Variants in STRN4 observed in about 807,000 individuals in gnomAD.
STRN4 encodes the protein striatin 4.
STRN4 carries 27 observed loss-of-function variants against 77.9 expected under a neutral mutation model. The observed-to-expected ratio is 0.35, with a 90% CI of 0.26 to 0.48. The LOEUF is 0.48. Among genes scored for constraint, STRN4 ranks in the 20% least tolerant of loss-of-function variants. STRN4 has a pLI of 0.99. For missense variants in STRN4, 798 were observed against 1,049.7 expected (o/e 0.76, Z 3.31); for synonymous variants, 466 against 443.1 (o/e 1.05, Z -0.65).
intron 1 of STRN4, chr19:46,740,292 A>C (rs961118975): frequency 2.6e-5 from 4 of 152,184 alleles, no homozygotes; most frequent in Admixed American, 6.5e-5. Context: ...TCGTCTCAAA[A>C]AAAAAAAGAA....
rs185324970 is a variant in STRN4, at chr19:46,727,544, C to T, written c.1156G>A (p.Val386Ile). The change falls in exon 9 of 18, where the codon GTC (valine) becomes ATC (isoleucine). Residue 386 changes from valine to isoleucine, a missense_variant and splice_region_variant. Physicochemically the swap from Val to Ile is conservative, Grantham distance 29. This residue lies in a region of STRN4 where 511 missense variants were observed against 575.9 expected (regional missense o/e 0.89). Transcript: ENST00000263280. Reference sequence around the variant, plus strand: ...CCCCCGATAGTGTCCATGATGAAGACGTCTGAGGAGAAGCCAAAGGAACCT... The same window carrying T: ...CCCCCGATAGTGTCCATGATGAAGATGTCTGAGGAGAAGCCAAAGGAACCT... ...GTPQPRPHED[V>I]FIMDTIGGGE... is the part of the protein sequence containing the mutation. The T allele has an allele frequency of 2.7e-5, 44 of 1,613,630 alleles. No homozygotes were observed. The East Asian group carries it at 3.1e-4, about 11-fold the overall frequency.
Position 46,724,882 on chromosome 19 carries a change from A to G in STRN4, c.1519T>C (p.Tyr507His). 6.2e-7 allele frequency: 1 copy of G among 1,614,078 alleles called. No homozygotes were observed. Among genetic ancestry groups the G allele is most frequent in the Non-Finnish European group, 8.5e-7 (1 of 1,180,048 alleles). The change falls in exon 12 of 18, where the codon TAC becomes CAC. Residue 507 changes from tyrosine to histidine, a missense_variant. By Grantham distance (83) the Tyr-to-His change is moderately conservative (BLOSUM62 2). Coordinates refer to ENST00000263280, the MANE Select transcript of STRN4 (RefSeq NM_013403.3). The stretch of plus-strand genomic sequence containing the variant: ...ATGCAGGCATCTGCCCCGCCACTGT[A>G]GCAGTATTCACTGTTGCTGCCCATA... ...VAMGSNSEYC[Y>H]SGGADACIHS...
Position 46,746,275 on chromosome 19 carries a change from G to A in STRN4, c.156C>T (p.Gly52=), listed in dbSNP as rs1187626427. Residue 52 remains glycine (G), a synonymous_variant, in exon 1 of 18, where the codon GGC becomes GGT. Coordinates refer to ENST00000263280, the MANE Select transcript of STRN4 (RefSeq NM_013403.3). ...GPAGKGGGGG[G]SPGPTAGPEP... The stretch of plus-strand genomic sequence containing the variant: ...CCGGGCCCGCCGTGGGCCCGGGGCT[G>A]CCTCCGCCGCCGCCTCCCTTACCTG... The A allele has an allele frequency of 3.4e-6, 5 of 1,456,588 alleles. No homozygotes were observed. Among genetic ancestry groups the A allele is most frequent in the Non-Finnish European group, 4.5e-6 (5 of 1,107,892 alleles). The allele number at this position is 1,456,588 out of a possible 1,614,324, so 90.2% of individuals were successfully genotyped here. A position where few individuals can be genotyped will look rare whatever the true frequency, so the allele number is the denominator to read the frequency against.
intron 1 of STRN4, chr19:46,745,906 C>T: frequency 2.5e-6 from 1 of 400,288 alleles, no homozygotes; most frequent in Non-Finnish European, 4.3e-6. Flanking sequence ...CCGGTGATCC[C>T]TCCCACCCCC....
In STRN4 at chr19:46,725,283, A is replaced by G. The variant is rs1307969288; in HGVS notation, c.1472+49T>C. 3 of 1,613,230 alleles carry G rather than the reference A, an allele frequency of 1.9e-6. No homozygotes were observed. In the Admixed American group the frequency reaches 5.0e-5, roughly 27 times the overall value. On this transcript the variant is annotated intron_variant, in intron 11 of 17. Transcript: ENST00000263280. ...GATGGCAGTGAGCAGGTCAGGAGTC[A>G]GGCTGCATTTAGGACGAGTTTCTAG...
At position 46,728,616 on chromosome 19, in the gene STRN4, A is replaced by G. The variant is rs1599871745; in HGVS notation, c.1039+2T>C. The stretch of plus-strand genomic sequence containing the variant: ...GGGGCTGGCCAGAAAACGTCAGCTC[A>G]CCCAGCTCATGGGGGCTCCCATCCA... On this transcript the variant is annotated splice_donor_variant, in intron 7 of 17. Coordinates refer to ENST00000263280, the MANE Select transcript of STRN4 (RefSeq NM_013403.3). LOFTEE classifies it high-confidence loss of function. 1 of 1,611,350 alleles carries G rather than the reference A, an allele frequency of 6.2e-7. No homozygotes were observed. Among genetic ancestry groups the G allele is most frequent in the Admixed American group, 1.7e-5 (1 of 59,794 alleles).
chr19:46,738,269 TGC>T lies in STRN4; in HGVS notation c.387-34_387-33del. 6.3e-7 allele frequency: 1 copy of T among 1,593,352 alleles called. No homozygotes were observed. The highest frequency in any genetic ancestry group is 8.6e-7 in the Non-Finnish European group (1 of 1,161,248). ...GAGCAAATGATTAATGAATAAGAGATGCGGGAGAGTAGACAGGGTCAGTAGTT... is the reference window on the plus strand; with the variant it reads ...GAGCAAATGATTAATGAATAAGAGATGGGAGAGTAGACAGGGTCAGTAGTT... On this transcript the variant is annotated intron_variant, in intron 2 of 17. Transcript: ENST00000263280. This position sits in a 1 kb window ranked among gnomAD's most constrained non-coding sequence, Gnocchi z 4.5.
In STRN4 at chr19:46,723,087, G is replaced by A. The variant is rs780630109; in HGVS notation, c.1765+27C>T. On this transcript the variant is annotated intron_variant, in intron 13 of 17. Coordinates refer to ENST00000263280, the MANE Select transcript of STRN4 (RefSeq NM_013403.3). The surrounding 1 kb of genome is among the most constrained non-coding windows in gnomAD (Gnocchi z 5.5). ...AGCCTCCAGATCCCGCACAGCTCCA[G>A]GGTGAGGCACCGGGGCCCCCACTCA... The A allele has an allele frequency of 1.0e-4, 159 of 1,561,162 alleles. No individual in the cohort carries two copies. The highest frequency in any genetic ancestry group is 1.3e-4 in the Non-Finnish European group (153 of 1,153,236).
intron 1 of STRN4, 43 bp downstream of exon 1, chr19:46,746,106 G>A (rs777788662): frequency 1.6e-5 from 23 of 1,442,696 alleles, no homozygotes; most frequent in Admixed American, 1.1e-4. Flanking sequence ...GCCGGGCCGG[G>A]CCGGGCCGGG....
intron 11 of STRN4, 111 bp downstream of exon 11, chr19:46,725,221 C>T: frequency 7.0e-7 from 1 of 1,436,704 alleles, no homozygotes; most frequent in Non-Finnish European, 9.6e-7. Flanking sequence ...GGACTCAGAG[C>T]CCCCTGCTGT....
chr19:46,733,340 G>C lies in STRN4; in HGVS notation c.540-104C>G. The C allele has an allele frequency of 9.0e-7, 1 of 1,105,858 alleles. No individual in the cohort carries two copies. 68.5% of individuals were successfully genotyped at this position (1,105,858 alleles called of 1,614,324 possible). A position where few individuals can be genotyped will look rare whatever the true frequency, so the allele number is the denominator to read the frequency against. Reference sequence around the variant, plus strand: ...CAACCTCTTAAGGGGCCACTTAAGAGCATACACCAAAATCTGACATAAGCA... The same window carrying C: ...CAACCTCTTAAGGGGCCACTTAAGACCATACACCAAAATCTGACATAAGCA... On this transcript the variant is annotated intron_variant, in intron 4 of 17. Transcript: ENST00000263280. The surrounding 1 kb of genome is among the most constrained non-coding windows in gnomAD (Gnocchi z 4.3).
chr19:46,731,356 C>T lies in STRN4; in HGVS notation c.738-483G>A, dbSNP rs115655565. ...GCCAGCCTCGCGCAAGCAGGGGCGC[C>T]GGCGATCCCTGCTACCCAGGAGCCT... On this transcript the variant is annotated intron_variant, in intron 5 of 17. Coordinates refer to ENST00000263280, the MANE Select transcript of STRN4 (RefSeq NM_013403.3). 6.8e-3 allele frequency: 1,144 copies of T among 169,214 alleles called. 10 individuals carry two copies. The highest frequency in any genetic ancestry group is 0.026 in the African/African-American group (1,094 of 42,034). 10.5% of individuals were successfully genotyped at this position (169,214 alleles called of 1,614,324 possible).
At chr19:46,724,533 T>C (rs2054060903) in intron 12 of STRN4, among the ~76,000 whole-genome samples, 1 of 152,258 alleles carries the variant, frequency 6.6e-6, no homozygotes, top group African/African-American at 2.4e-5. Context: ...GCTCCCAGCC[T>C]GGGCTGCCTC....
intron 1 of STRN4, among the ~76,000 whole-genome samples, chr19:46,744,080 G>A (rs1300779404): frequency 6.6e-6 from 1 of 151,920 alleles, no homozygotes; most frequent in Non-Finnish European, 1.5e-5. Flanking sequence ...CCAGAATGCT[G>A]CAAGAATTAA....
At position 46,738,245 on chromosome 19, in the gene STRN4, A is replaced by G. The variant is rs2054408006; in HGVS notation, c.387-8T>C. 3.1e-6 allele frequency: 5 copies of G among 1,613,468 alleles called. No homozygotes were observed. In the East Asian group the frequency reaches 1.1e-4, roughly 36 times the overall value. ...AGTTTATGATATTTGGCCCTAAAAG[A>G]GCAAATGATTAATGAATAAGAGATG... is the stretch of plus-strand genomic sequence containing the variant. On this transcript the variant is annotated splice_region_variant and splice_polypyrimidine_tract_variant and intron_variant, in intron 2 of 17. Transcript: ENST00000263280. This position sits in a 1 kb window ranked among gnomAD's most constrained non-coding sequence, Gnocchi z 4.5.
At chr19:46,722,460 C>A in intron 14 of STRN4, 120 bp from the exon 15 acceptor site, 1 of 1,100,336 alleles carries the variant, frequency 9.1e-7, no homozygotes, top group Non-Finnish European at 1.3e-6. Flanking sequence ...TCGAGGGGGG[C>A]TGGGCGAGGG....
intron 1 of STRN4, 103 bp downstream of exon 1, chr19:46,746,046 G>C (rs1438422244): frequency 5.8e-6 from 6 of 1,041,972 alleles, no homozygotes; most frequent in Non-Finnish European, 4.9e-6. Context: ...CCCGCCGGCC[G>C]TCCCGGCGGC....
Position 46,727,514 on chromosome 19 carries a change from C to T in STRN4, c.1186G>A (p.Glu396Lys), listed in dbSNP as rs1338906836. 3 of 1,614,058 alleles carry T rather than the reference C, an allele frequency of 1.9e-6. No individual in the cohort carries two copies. The highest frequency in any genetic ancestry group is 3.3e-5 in the Admixed American group (2 of 60,002). ...VFIMDTIGGG[E>K]VSLGDLADLT... ...TCTGCCAAGTCCCCCAGGCTCACCT[C>T]CCCGCCCCCGATAGTGTCCATGATG... Residue 396 changes from glutamate (E) to lysine (K), a missense_variant, in exon 9 of 18, where the codon GAG (glutamate) becomes AAG (lysine). Physicochemically the swap from Glu to Lys is moderately conservative, Grantham distance 56 (BLOSUM62 1). Around this residue, in one of 2 missense-constraint regions of STRN4, gnomAD observed 511 missense variants for 575.9 expected, o/e 0.89. Coordinates refer to ENST00000263280, the MANE Select transcript of STRN4 (RefSeq NM_013403.3).
In STRN4 at chr19:46,723,010, G is replaced by T; in HGVS notation, c.1766-60C>A. On this transcript the variant is annotated intron_variant, in intron 13 of 17. Coordinates refer to ENST00000263280, the MANE Select transcript of STRN4 (RefSeq NM_013403.3). The surrounding 1 kb of genome is among the most constrained non-coding windows in gnomAD (Gnocchi z 5.5). ...ACCCTCAGACCCAGCCCTGCCCCAG[G>T]GTGGGGGACAGTGGGTGGGAGGCCT... 6.2e-7 allele frequency: 1 copy of T among 1,603,676 alleles called. No individual in the cohort carries two copies.
Sources: allele counts gnomAD v4.1 joint callset (sites outside exome capture counted in the v4.1 genomes callset), GRCh38; gene constraint gnomAD v4.1.1; regional missense constraint gnomAD v4.1.1; non-coding constraint Gnocchi (gnomAD v3.1); transcripts MANE v1.5; gene names NCBI Gene and HGNC (gene_info 2026-07-23, HGNC 2026-07-21).